The following NFIA variants were observed in gnomAD, a reference collection of about 807,000 sequenced individuals.
NFIA encodes nuclear factor 1 A-type.
In NFIA, 8 loss-of-function variants were observed where a neutral mutation model predicts 62.8. The observed-to-expected ratio is 0.13, with a 90% CI of 0.07 to 0.23. The LOEUF (loss-of-function observed/expected upper bound fraction) is 0.23. Among genes scored for constraint, NFIA ranks in the 10% least tolerant of loss-of-function variants. The pLI, the probability that NFIA is intolerant of heterozygous loss-of-function variation, is 1.00. For synonymous variants in NFIA, 235 were observed against 238.1 expected (o/e 0.99, Z 0.12); for missense variants, 410 against 642.1 (o/e 0.64, Z 3.91).
chr1:61,438,561 G>T (rs1029220857), intron 10 of NFIA, among the ~76,000 whole-genome samples: 1 of 152,168 alleles, frequency 6.6e-6, no homozygotes, highest in Non-Finnish European at 1.5e-5. Context: ...TCATTACCCA[G>T]TGGAATGATA....
chr1:61,205,403 T>G (rs1328960124), intron 2 of NFIA, among the ~76,000 whole-genome samples: 2 of 152,186 alleles, frequency 1.3e-5, no homozygotes, highest in African/African-American at 4.8e-5. Flanking sequence ...AAGCTAGCTC[T>G]CAGAGATGGG....
intron 2 of NFIA, among the ~76,000 whole-genome samples, chr1:61,175,343 T>C (rs1650266896): frequency 6.6e-6 from 1 of 152,114 alleles, no homozygotes; most frequent in South Asian, 2.1e-4. Flanking sequence ...GCTTTCACCA[T>C]GTTGGCCAGG....
At chr1:61,454,769 C>T (rs1240746962) in intron 10 of NFIA, among the ~76,000 whole-genome samples, 2 of 152,206 alleles carry the variant, frequency 1.3e-5, no homozygotes, top group Non-Finnish European at 2.9e-5. Context: ...TATTGACCAT[C>T]TGGGCCTGTT....
intron 2 of NFIA, among the ~76,000 whole-genome samples, chr1:61,197,753 A>G (rs11207713): frequency 0.33 from 49,434 of 151,412 alleles, 9,247 homozygotes; most frequent in East Asian, 0.57. Flanking sequence ...AGGCTGAGGC[A>G]GGCAGATCAC....
At chr1:61,451,740 A>G (rs1253712840) in intron 10 of NFIA, among the ~76,000 whole-genome samples, 1 of 152,228 alleles carries the variant, frequency 6.6e-6, no homozygotes, top group African/African-American at 2.4e-5. Flanking sequence ...TCAAGATAAC[A>G]TCATCCTATA....
chr1:61,121,406 G>A (rs1417152978), intron 2 of NFIA, among the ~76,000 whole-genome samples: 4 of 152,068 alleles, frequency 2.6e-5, no homozygotes, highest in African/African-American at 9.7e-5. Context: ...AAGAATTCTA[G>A]GGAGTAAAAT....
chr1:61,352,016 C>T (rs548445379), intron 4 of NFIA, among the ~76,000 whole-genome samples: 4 of 152,280 alleles, frequency 2.6e-5, no homozygotes, highest in Non-Finnish European at 5.9e-5. Flanking sequence ...TGGGAATGGA[C>T]AGCTTAGAAA....
rs936855693 is a variant in NFIA at position 61,301,484 on chromosome 1, AAG to A, written c.625+23901_625+23902del. Among the ~76,000 whole-genome samples the A allele has an allele frequency of 2.4e-4, 36 of 152,306 alleles. No individual in the cohort carries two copies. In the Middle Eastern group the frequency reaches 0.01, roughly 43 times the overall value. On this transcript the variant is annotated intron_variant, in intron 3 of 10. Coordinates refer to ENST00000403491, the MANE Select transcript of NFIA (RefSeq NM_001134673.4). ...CAGACAGTTCCCATTGGTGTTTTTT[AAG>A]AACTGATATTTTCTTAAGGACTCGA... is the stretch of plus-strand genomic sequence containing the variant.
intron 2 of NFIA, among the ~76,000 whole-genome samples, chr1:61,127,510 C>T (rs894078770): frequency 5.3e-5 from 8 of 151,848 alleles, no homozygotes; most frequent in African/African-American, 1.5e-4. Flanking sequence ...AACTTACTCC[C>T]GAATGAATAT....
intron 6 of NFIA, among the ~76,000 whole-genome samples, chr1:61,370,841 T>C (rs964257875): frequency 6.6e-6 from 1 of 152,178 alleles, no homozygotes; most frequent in Non-Finnish European, 1.5e-5. Flanking sequence ...TCTGTAGGTA[T>C]CGTCTACTTT....
At chr1:61,387,468 C>CTTTTTTTTTT (rs33965994) in intron 7 of NFIA, among the ~76,000 whole-genome samples, 11 of 95,470 alleles carry the variant, frequency 1.2e-4, no homozygotes, top group African/African-American at 4.5e-4. Flanking sequence ...CAAGCACTTT[C>CTTTTTTTTTT]TTTTTTTTTT....
intron 4 of NFIA, among the ~76,000 whole-genome samples, 176 bp from the exon 5 acceptor site, chr1:61,352,274 G>T (rs34094870): frequency 6.6e-6 from 1 of 152,112 alleles, no homozygotes; most frequent in African/African-American, 2.4e-5. Context: ...TGCCTTTCCT[G>T]TATAGACTAT....
chr1:61,165,521 C>T (rs752515466), intron 2 of NFIA, among the ~76,000 whole-genome samples: 15 of 152,152 alleles, frequency 9.9e-5, no homozygotes, highest in Non-Finnish European at 1.8e-4. Context: ...TAAGAATGCA[C>T]TAAAGGAAAA....
intron 7 of NFIA, among the ~76,000 whole-genome samples, chr1:61,396,666 G>A (rs958744304): frequency 6.6e-6 from 1 of 152,130 alleles, no homozygotes; most frequent in African/African-American, 2.4e-5. Context: ...TGTTTTGGGA[G>A]GCCGTGGGGA....
At chr1:61,347,632 A>G (rs375925637) in intron 4 of NFIA, among the ~76,000 whole-genome samples, 1 of 152,142 alleles carries the variant, frequency 6.6e-6, no homozygotes, top group Non-Finnish European at 1.5e-5. Context: ...TCACAAGCCA[A>G]TGGGATCCAT....
chr1:61,107,343 C>T (rs1158521723), intron 2 of NFIA, among the ~76,000 whole-genome samples: 6 of 151,532 alleles, frequency 4.0e-5, no homozygotes, highest in Non-Finnish European at 7.4e-5. Context: ...CAGAATTTGG[C>T]ACTGCCAGAT....
At chr1:61,386,831 A>G (rs985588095) in intron 7 of NFIA, among the ~76,000 whole-genome samples, 3 of 152,230 alleles carry the variant, frequency 2.0e-5, no homozygotes, top group Non-Finnish European at 4.4e-5. Context: ...GGTGGTCTAT[A>G]AACAACAGAA....
chr1:61,217,424 A>G (rs1653703007), intron 2 of NFIA, among the ~76,000 whole-genome samples: 1 of 152,166 alleles, frequency 6.6e-6, no homozygotes, highest in Admixed American at 6.5e-5. Flanking sequence ...GTACATAATT[A>G]TGCCCAGAAG....
intron 4 of NFIA, among the ~76,000 whole-genome samples, chr1:61,349,093 C>T (rs953522250): frequency 1.3e-5 from 2 of 152,144 alleles, no homozygotes; most frequent in African/African-American, 4.8e-5. Context: ...ACCCTTCCTC[C>T]ATAGCCTATT....
Sources: allele counts gnomAD v4.1 joint callset (sites outside exome capture counted in the v4.1 genomes callset), GRCh38; gene constraint gnomAD v4.1.1; transcripts MANE v1.5; gene names NCBI Gene and HGNC (gene_info 2026-07-23, HGNC 2026-07-21).